Variants in RBFOX3 observed in about 807,000 individuals in gnomAD.
RBFOX3 encodes the protein RNA binding fox-1 homolog 3.
RBFOX3 carries 17 observed loss-of-function variants against 48.7 expected under a neutral mutation model. That is an observed-to-expected ratio of 0.35 (90% CI 0.24 to 0.52). The LOEUF is 0.52. RBFOX3 is among the 20% of genes least tolerant of loss of function. The pLI is 0.94. For synonymous variants in RBFOX3, 212 were observed against 209.5 expected, an observed-to-expected ratio of 1.01 and a Z score of -0.10; for missense variants, 382 against 497.5, an observed-to-expected ratio of 0.77 and a Z score of 2.21.
At chr17:79,585,122 G>T (rs2093205583) in intron 1 of RBFOX3, among the ~76,000 whole-genome samples, 1 of 152,222 alleles carries the variant, frequency 6.6e-6, no homozygotes, top group Non-Finnish European at 1.5e-5. Context: ...GGGGATAAAA[G>T]ACGACACACT....
intron 2 of RBFOX3, among the ~76,000 whole-genome samples, chr17:79,429,234 T>C (rs2067977592): frequency 6.6e-6 from 1 of 152,226 alleles, no homozygotes; most frequent in South Asian, 2.1e-4. Flanking sequence ...AAAGGCATCC[T>C]TGACCCTCTG....
chr17:79,639,131 A>C, the RBFOX3 span, among the ~76,000 whole-genome samples: 1 of 152,130 alleles, frequency 6.6e-6, no homozygotes. Context: ...AAATAGAAAA[A>C]GAGGGAACAC....
In RBFOX3 at chr17:79,362,655, G is replaced by A. The variant is rs1351749135; in HGVS notation, c.-174-54831C>T. ...AGGAAAATGAGAGCCGGCCTGCCGG[G>A]CAATTGCTTCCTGTGACGGAGCCAG... On this transcript the variant is annotated intron_variant, in intron 2 of 14. Transcript: ENST00000693108. This position sits in a 1 kb window ranked among gnomAD's most constrained non-coding sequence, Gnocchi z 4.2. 6.6e-6 allele frequency among the ~76,000 whole-genome samples: 1 copy of A among 152,210 alleles called. No homozygotes were observed. Among genetic ancestry groups the A allele is most frequent in the Non-Finnish European group, 1.5e-5 (1 of 68,044 alleles).
chr17:79,611,065 C>T (rs1156971636), upstream of RBFOX3, among the ~76,000 whole-genome samples: 3 of 150,636 alleles, frequency 2.0e-5, no homozygotes, highest in African/African-American at 4.9e-5. Flanking sequence ...TTCGGAGCAG[C>T]CCCGCGCTCG....
intron 3 of RBFOX3, among the ~76,000 whole-genome samples, chr17:79,296,081 C>T (rs983556060): frequency 2.0e-5 from 3 of 152,026 alleles, no homozygotes; most frequent in Admixed American, 6.5e-5. Flanking sequence ...AGGGGAGCAA[C>T]GGGGTGAATT....
intron 4 of RBFOX3, among the ~76,000 whole-genome samples, chr17:79,175,903 G>T (rs1401075399): frequency 6.6e-6 from 1 of 152,226 alleles, no homozygotes. Flanking sequence ...GGGCAAGACG[G>T]CTGGTGGACT....
At chr17:79,258,504 G>A (rs527384083) in intron 3 of RBFOX3, among the ~76,000 whole-genome samples, 5 of 152,284 alleles carry the variant, frequency 3.3e-5, no homozygotes, top group African/African-American at 4.8e-5. Flanking sequence ...CCCTTCCCAC[G>A]GGGGTCCCTG....
chr17:79,589,661 G>A (rs955191686), intron 1 of RBFOX3, among the ~76,000 whole-genome samples: 5 of 152,154 alleles, frequency 3.3e-5, no homozygotes, highest in South Asian at 2.1e-4. Flanking sequence ...AGAAATGCAC[G>A]GGGAGGAGCT....
intron 3 of RBFOX3, among the ~76,000 whole-genome samples, chr17:79,273,324 A>T (rs1178374464): frequency 1.3e-5 from 2 of 152,220 alleles, no homozygotes; most frequent in Non-Finnish European, 2.9e-5. Context: ...GGCTGAGACC[A>T]AAGTCTGTAT....
At chr17:79,152,310 G>A (rs1033259406) in intron 4 of RBFOX3, among the ~76,000 whole-genome samples, 2 of 152,190 alleles carry the variant, frequency 1.3e-5, no homozygotes, top group African/African-American at 2.4e-5. Context: ...CCTCAGTGAA[G>A]CTGAGAGGCG....
chr17:79,106,437 G>A (rs1371179594), intron 6 of RBFOX3, among the ~76,000 whole-genome samples: 1 of 151,962 alleles, frequency 6.6e-6, no homozygotes. Context: ...TCAGCTTGAG[G>A]CCTTCCTCTT....
intron 2 of RBFOX3, among the ~76,000 whole-genome samples, chr17:79,399,261 C>T (rs754370921): frequency 8.5e-5 from 13 of 152,184 alleles, no homozygotes; most frequent in Admixed American, 6.5e-5. Context: ...ACAGCGGCCA[C>T]AGGAAATGCG....
rs1426227449 is a variant in RBFOX3, at chr17:79,363,547, C to T, written c.-174-55723G>A. Reference sequence around the variant, plus strand: ...TTCTGAGGATGCCCAACACAAGGCTCAATTCCCCTTCCTGTTCCTGCCCAG... The same window carrying T: ...TTCTGAGGATGCCCAACACAAGGCTTAATTCCCCTTCCTGTTCCTGCCCAG... On this transcript the variant is annotated intron_variant, in intron 2 of 14. Coordinates refer to ENST00000693108, the MANE Select transcript of RBFOX3 (RefSeq NM_001350451.2). This position sits in a 1 kb window ranked among gnomAD's most constrained non-coding sequence, Gnocchi z 4.7. Among the ~76,000 whole-genome samples the T allele has an allele frequency of 6.6e-6, 1 of 152,090 alleles. No homozygotes were observed. Among genetic ancestry groups the T allele is most frequent in the Non-Finnish European group, 1.5e-5 (1 of 67,996 alleles).
At chr17:79,486,314 G>C (rs2079596254) in intron 1 of RBFOX3, among the ~76,000 whole-genome samples, 1 of 152,204 alleles carries the variant, frequency 6.6e-6, no homozygotes, top group African/African-American at 2.4e-5. Flanking sequence ...GGTCCAGTCT[G>C]TCTCGGGAGT....
chr17:79,182,368 G>T (rs562711125), intron 4 of RBFOX3, among the ~76,000 whole-genome samples: 20 of 152,298 alleles, frequency 1.3e-4, no homozygotes, highest in Non-Finnish European at 2.5e-4. Context: ...CAGCCAGGGT[G>T]GGTGAGGCCA....
intron 1 of RBFOX3, among the ~76,000 whole-genome samples, chr17:79,510,528 C>T (rs2083976979): frequency 6.6e-6 from 1 of 152,192 alleles, no homozygotes; most frequent in Non-Finnish European, 1.5e-5. Flanking sequence ...GCAGCCCCTC[C>T]ATCCCAGGCA....
the RBFOX3 span, among the ~76,000 whole-genome samples, chr17:79,639,430 C>T: frequency 6.6e-6 from 1 of 152,184 alleles, no homozygotes; most frequent in Non-Finnish European, 1.5e-5. Context: ...CCTACCTTGG[C>T]CTCCCAAAGT....
intron 1 of RBFOX3, among the ~76,000 whole-genome samples, chr17:79,529,374 T>C (rs1304139728): frequency 6.6e-6 from 1 of 152,198 alleles, no homozygotes; most frequent in African/African-American, 2.4e-5. Context: ...AAGGAAAGCA[T>C]TTAGGGAGAA....
chr17:79,223,505 C>A (rs148753380), intron 4 of RBFOX3, among the ~76,000 whole-genome samples: 1 of 152,350 alleles, frequency 6.6e-6, no homozygotes, highest in Non-Finnish European at 1.5e-5. Flanking sequence ...CCACACATGC[C>A]CTGGAGGTCT....
Sources: gnomAD v4.1 joint callset for allele counts (sites outside exome capture counted in the v4.1 genomes callset) on GRCh38, gnomAD v4.1.1 for gene constraint, Gnocchi (gnomAD v3.1) non-coding constraint, MANE v1.5 for transcripts, NCBI Gene and HGNC (gene_info 2026-07-23, HGNC 2026-07-21) for gene names.